Variants in GYS1 observed in about 807,000 individuals in gnomAD.
GYS1 encodes glycogen synthase 1.
A neutral mutation model predicts 89.1 loss-of-function variants in GYS1; 60 were observed. The ratio of observed to expected loss-of-function variants is 0.67; its 90% CI spans 0.55 to 0.84. The LOEUF (loss-of-function observed/expected upper bound fraction) is 0.84. Ranked by LOEUF, GYS1 falls within the 40% of genes least tolerant of loss-of-function variation. The pLI is 0.00. For missense variants in GYS1, 888 were observed against 1,003.1 expected, an observed-to-expected ratio of 0.89 and a Z score of 1.55; for synonymous variants, 366 against 401.7, an observed-to-expected ratio of 0.91 and a Z score of 1.06.
At chr19:48,976,810 T>C (rs533591769) in intron 10 of GYS1, among the ~76,000 whole-genome samples, 1 of 152,036 alleles carries the variant, frequency 6.6e-6, no homozygotes, top group Non-Finnish European at 1.5e-5. Flanking sequence ...TGTTGCCCAG[T>C]CTGGAGTGCA....
rs1288815430 is a variant in GYS1 at position 48,974,196 on chromosome 19, C to CT, written c.1549+16dup. 2.7e-5 allele frequency: 43 copies of CT among 1,585,940 alleles called. No homozygotes were observed. Among genetic ancestry groups the CT allele is most frequent in the Non-Finnish European group, 3.6e-5 (42 of 1,165,452 alleles). ...TAGGATGCCATGACCACGCTGTCCC[C>CT]TGCCCACTACACTCACCCGGTGTGT... On this transcript the variant is annotated intron_variant, in intron 12 of 15. Coordinates refer to ENST00000323798, the MANE Select transcript of GYS1 (RefSeq NM_002103.5).
intron 8 of GYS1, among the ~76,000 whole-genome samples, chr19:48,979,098 T>C (rs987493023): frequency 1.4e-4 from 21 of 152,068 alleles, no homozygotes; most frequent in African/African-American, 4.8e-4. Flanking sequence ...AAAGTACACA[T>C]GGCAAGCCTT....
intron 2 of GYS1, among the ~76,000 whole-genome samples, chr19:48,990,004 G>GGA (rs1555800137): frequency 6.7e-6 from 1 of 149,240 alleles, no homozygotes; most frequent in Non-Finnish European, 1.5e-5. Context: ...TTGCTGGGGG[G>GGA]GGGGGGGGGC....
At chr19:48,986,399 C>A (rs1364122197) in intron 3 of GYS1, among the ~76,000 whole-genome samples, 4 of 152,120 alleles carry the variant, frequency 2.6e-5, no homozygotes, top group Non-Finnish European at 5.9e-5. Context: ...TGTCTGCACC[C>A]AACATTGGCA....
At position 48,974,628 on chromosome 19, in the gene GYS1, T is replaced by G; in HGVS notation, c.1414A>C (p.Arg472=). 1 of 1,611,552 alleles carries G rather than the reference T, an allele frequency of 6.2e-7. No individual in the cohort carries two copies. ...TGACCAAATGCCCTCACCTTCACCC[T>G]GTCGGCACTGCTATTGAAGAGGCCG... ...RIGLFNSSAD[R]VKVIFHPEFL... is the part of the protein sequence containing the mutation. Residue 472 remains arginine (R), a synonymous_variant, in exon 11 of 16, where the codon AGG becomes CGG. Transcript: ENST00000323798.
Position 48,993,025 on chromosome 19 carries a change from A to G in GYS1, c.88T>C (p.Phe30Leu), listed in dbSNP as rs751978963. Residue 30 changes from phenylalanine (F) to leucine (L), a missense_variant, in exon 1 of 16, where the codon TTC becomes CTC. By Grantham distance (22) the Phe-to-Leu change is conservative (BLOSUM62 0). Transcript: ENST00000323798. ...DEFDLENAVL[F>L]EVAWEVANKV... ...TTAGCCACCTCCCAGGCCACTTCGA[A>G]GAGCACTGCGTTCTCCAGGTCGAAT... The G allele has an allele frequency of 1.2e-6, 2 of 1,611,966 alleles. No individual in the cohort carries two copies. Among genetic ancestry groups the G allele is most frequent in the East Asian group, 2.2e-5 (1 of 44,858 alleles).
chr19:48,975,927 A>C (rs1043846854), intron 10 of GYS1, among the ~76,000 whole-genome samples: 5 of 150,852 alleles, frequency 3.3e-5, no homozygotes, highest in African/African-American at 1.2e-4. Flanking sequence ...AAAAAAAAAA[A>C]AAAAAAAAGA....
At position 48,991,556 on chromosome 19, in the gene GYS1, G is replaced by T; in HGVS notation, c.119-73C>A. On this transcript the variant is annotated intron_variant, in intron 1 of 15. Coordinates refer to ENST00000323798, the MANE Select transcript of GYS1 (RefSeq NM_002103.5). The surrounding 1 kb of genome is among the most constrained non-coding windows in gnomAD (Gnocchi z 4.7). ...TCTGGGGCCTGGGGTGGGGTGGGCC[G>T]GGGATGTAGGGGGCACTCAGGCCCC... is the stretch of plus-strand genomic sequence containing the variant. 1 of 1,478,860 alleles carries T rather than the reference G, an allele frequency of 6.8e-7. No homozygotes were observed. Among genetic ancestry groups the T allele is most frequent in the South Asian group, 1.1e-5 (1 of 88,206 alleles). The allele number at this position is 1,478,860 out of a possible 1,614,324, so 91.6% of individuals were successfully genotyped here.
In GYS1 at chr19:48,991,082, C is replaced by T. The variant is rs562494716; in HGVS notation, c.300+220G>A. Among the ~76,000 whole-genome samples the T allele has an allele frequency of 2.4e-4, 36 of 152,372 alleles. No homozygotes were observed. Among genetic ancestry groups the T allele is most frequent in the African/African-American group, 7.9e-4 (33 of 41,584 alleles). ...CTTGGATCTCCGTCTCAGTCTGTCT[C>T]ATACTTGCCATCTGTCTGTCCATTC... On this transcript the variant is annotated intron_variant, in intron 2 of 15. Transcript: ENST00000323798. This position sits in a 1 kb window ranked among gnomAD's most constrained non-coding sequence, Gnocchi z 4.7.
chr19:48,991,177 T>C lies in GYS1; in HGVS notation c.300+125A>G. Reference sequence around the variant, plus strand: ...GTCTGGGTGTCCTATCACGCCTCCTTCCTGTGTCCAAGCCTGCCTCGCTCT... The same window carrying C: ...GTCTGGGTGTCCTATCACGCCTCCTCCCTGTGTCCAAGCCTGCCTCGCTCT... On this transcript the variant is annotated intron_variant, in intron 2 of 15. Transcript: ENST00000323798. This position sits in a 1 kb window ranked among gnomAD's most constrained non-coding sequence, Gnocchi z 4.7. 2.9e-6 allele frequency: 3 copies of C among 1,046,754 alleles called. No homozygotes were observed. In the South Asian group the frequency reaches 3.9e-5, roughly 14 times the overall value. The allele number at this position is 1,046,754 out of a possible 1,614,324, so 64.8% of individuals were successfully genotyped here. A position where few individuals can be genotyped will look rare whatever the true frequency, so the allele number is the denominator to read the frequency against.
chr19:48,987,526 T>C (rs2038861205), intron 2 of GYS1, 141 bp from the exon 3 acceptor site: 1 of 624,176 alleles, frequency 1.6e-6, no homozygotes, highest in South Asian at 2.2e-5. Context: ...CCATATCTGC[T>C]GCTAATTTCT....
intron 9 of GYS1, 38 bp downstream of exon 9, chr19:48,978,060 G>C (rs374859926): frequency 1.2e-6 from 2 of 1,608,760 alleles, no homozygotes; most frequent in Non-Finnish European, 1.7e-6. Flanking sequence ...GGTTAGTCAG[G>C]GCCTAGGAGG....
intron 2 of GYS1, among the ~76,000 whole-genome samples, chr19:48,990,243 C>A (rs1049632083): frequency 6.8e-6 from 1 of 147,336 alleles, no homozygotes; most frequent in Non-Finnish European, 1.5e-5. Context: ...AGCGTGCCGC[C>A]TGATGGCTTT....
intron 8 of GYS1, among the ~76,000 whole-genome samples, chr19:48,980,593 C>T (rs1248283197): frequency 3.3e-5 from 5 of 150,516 alleles, no homozygotes; most frequent in South Asian, 2.1e-4. Flanking sequence ...TGCTGGGAGG[C>T]GGAGGTTACA....
At chr19:48,990,911 C>T (rs1001061907) in intron 2 of GYS1, among the ~76,000 whole-genome samples, 1 of 152,260 alleles carries the variant, frequency 6.6e-6, no homozygotes, top group African/African-American at 2.4e-5. Context: ...TCTCCTGCCT[C>T]AGCCTCCCGA....
rs1292537325 is a variant in GYS1, at chr19:48,991,235, G to A, written c.300+67C>T. ...GGGCTGTCCACCCTGCACCCTCTCC[G>A]TCTGTGGCTCCCACCCCGATGGCAG... On this transcript the variant is annotated intron_variant, in intron 2 of 15. Coordinates refer to ENST00000323798, the MANE Select transcript of GYS1 (RefSeq NM_002103.5). The surrounding 1 kb of genome is among the most constrained non-coding windows in gnomAD (Gnocchi z 4.7). 10 of 1,546,014 alleles carry A rather than the reference G, an allele frequency of 6.5e-6. No homozygotes were observed. The highest frequency in any genetic ancestry group is 3.3e-5 in the South Asian group (3 of 89,748).
At chr19:48,982,118 C>T (rs2038773500) in intron 7 of GYS1, 137 bp downstream of exon 7, 2 of 890,494 alleles carry the variant, frequency 2.2e-6, no homozygotes, top group Non-Finnish European at 3.7e-6. Flanking sequence ...GTCTCCATCT[C>T]CTGGGCTCAA....
chr19:48,992,150 G>T (rs1258221485), intron 1 of GYS1, among the ~76,000 whole-genome samples: 4 of 151,994 alleles, frequency 2.6e-5, no homozygotes, highest in Non-Finnish European at 5.9e-5. Flanking sequence ...ACCCGGCTGG[G>T]TGTTCACGGG....
Position 48,970,541 on chromosome 19 carries a change from C to A in GYS1, c.1809+5G>T. 6.2e-7 allele frequency: 1 copy of A among 1,613,038 alleles called. No individual in the cohort carries two copies. The highest frequency in any genetic ancestry group is 8.5e-7 in the Non-Finnish European group (1 of 1,179,618). On this transcript the variant is annotated splice_donor_5th_base_variant and intron_variant, in intron 14 of 15. Coordinates refer to ENST00000323798, the MANE Select transcript of GYS1 (RefSeq NM_002103.5). ...CAGGAGAGGATAGGAAAGTGGGGGT[C>A]CTACCCGGCCTAGGTATTTCCAGTC...
Sources: gnomAD v4.1 joint callset for allele counts (sites outside exome capture counted in the v4.1 genomes callset) on GRCh38, gnomAD v4.1.1 for gene constraint, Gnocchi (gnomAD v3.1) non-coding constraint, MANE v1.5 for transcripts, NCBI Gene and HGNC (gene_info 2026-07-23, HGNC 2026-07-21) for gene names.